The following CTIF variants were observed in gnomAD, a reference collection of about 807,000 sequenced individuals.
CTIF encodes cap binding complex dependent translation initiation factor.
CTIF carries 21 observed loss-of-function variants against 66.0 expected under a neutral mutation model. The observed-to-expected ratio is 0.32, with a 90% CI of 0.23 to 0.46. The LOEUF (loss-of-function observed/expected upper bound fraction) is 0.46. Ranked by LOEUF, CTIF falls within the 20% of genes least tolerant of loss-of-function variation. The pLI is 1.00. For synonymous variants in CTIF, 345 were observed against 326.4 expected (o/e 1.06, Z -0.62); for missense variants, 739 against 812.7 (o/e 0.91, Z 1.10).
At chr18:48,788,675 A>C (rs971168121) in intron 9 of CTIF, among the ~76,000 whole-genome samples, 7 of 152,150 alleles carry the variant, frequency 4.6e-5, no homozygotes, top group Admixed American at 3.9e-4. Context: ...TAAGATTCCT[A>C]AGTCTGGGAA....
intron 10 of CTIF, among the ~76,000 whole-genome samples, chr18:48,838,715 T>G (rs1319597359): frequency 1.3e-5 from 2 of 152,168 alleles, no homozygotes; most frequent in Admixed American, 1.3e-4. Flanking sequence ...AACACTTCAT[T>G]TATTTGGTGG....
In CTIF at chr18:48,862,074, A is replaced by T. The variant is rs1002047815; in HGVS notation, c.*2515A>T. ...ACTATTTTTTTTTTAAAGAAACAAC[A>T]GTCAAGCCTAAAATTTGAGACCCCG... On this transcript the variant is annotated 3_prime_UTR_variant, in exon 12 of 12. Coordinates refer to ENST00000256413, the MANE Select transcript of CTIF (RefSeq NM_014772.3). 7.9e-5 allele frequency: 12 copies of T among 151,248 alleles called. No homozygotes were observed. Among genetic ancestry groups the T allele is most frequent in the Non-Finnish European group, 1.5e-4 (10 of 68,016 alleles). 9.4% of individuals were successfully genotyped at this position (151,248 alleles called of 1,614,324 possible). A position where few individuals can be genotyped will look rare whatever the true frequency, so the allele number is the denominator to read the frequency against.
At chr18:48,691,437 T>A (rs1358200855) in intron 6 of CTIF, among the ~76,000 whole-genome samples, 1 of 152,172 alleles carries the variant, frequency 6.6e-6, no homozygotes, top group East Asian at 1.9e-4. Flanking sequence ...ACCAAAATAG[T>A]TTGTTAGAAT....
rs147862872 is a variant in CTIF at position 48,727,560 on chromosome 18, A to G, written c.584+15865A>G. On this transcript the variant is annotated intron_variant, in intron 7 of 11. Coordinates refer to ENST00000256413, the MANE Select transcript of CTIF (RefSeq NM_014772.3). ...CTGAAATAATCCTTTGAAAAACTTTATGGGTCTTCTGTGATCCTATTGAGT... is the reference window on the plus strand; with the variant it reads ...CTGAAATAATCCTTTGAAAAACTTTGTGGGTCTTCTGTGATCCTATTGAGT... Among the ~76,000 whole-genome samples, 50 of 152,302 alleles carry G rather than the reference A, an allele frequency of 3.3e-4. No individual in the cohort carries two copies. The East Asian group carries it at 6.6e-3, about 20-fold the overall frequency.
At chr18:48,597,517 T>A (rs1463831732) in intron 1 of CTIF, among the ~76,000 whole-genome samples, 1 of 152,138 alleles carries the variant, frequency 6.6e-6, no homozygotes, top group South Asian at 2.1e-4. Context: ...ACTCTCTCCC[T>A]GAGTTCACGT....
At chr18:48,750,571 G>A (rs1291192364) in intron 7 of CTIF, among the ~76,000 whole-genome samples, 1 of 152,238 alleles carries the variant, frequency 6.6e-6, no homozygotes, top group African/African-American at 2.4e-5. Context: ...AGCAGACTGT[G>A]GTGGGAAAGG....
intron 9 of CTIF, among the ~76,000 whole-genome samples, chr18:48,773,051 CT>C (rs902756250): frequency 2.0e-5 from 3 of 152,302 alleles, no homozygotes; most frequent in Admixed American, 6.5e-5. Context: ...GGGGGACCGA[CT>C]AAGAGGCAGA....
rs192092294 is a variant in CTIF at position 48,665,381 on chromosome 18, G to A, written c.431+830G>A. Among the ~76,000 whole-genome samples the A allele has an allele frequency of 3.5e-3, 538 of 152,324 alleles. 5 individuals are homozygous for A. Among genetic ancestry groups the A allele is most frequent in the African/African-American group, 0.012 (509 of 41,570 alleles). On this transcript the variant is annotated intron_variant, in intron 5 of 11. Coordinates refer to ENST00000256413, the MANE Select transcript of CTIF (RefSeq NM_014772.3). ...CTTTTCAAAAGTGGTGTCACAGCCTGGGCAGACCTCAGGACGGGAATGTGA... is the reference window on the plus strand; with the variant it reads ...CTTTTCAAAAGTGGTGTCACAGCCTAGGCAGACCTCAGGACGGGAATGTGA...
intron 7 of CTIF, among the ~76,000 whole-genome samples, chr18:48,755,439 G>GCTGGC (rs1908257731): frequency 1.3e-5 from 2 of 152,344 alleles, no homozygotes; most frequent in Admixed American, 1.3e-4. Flanking sequence ...GCTGGGCTGG[G>GCTGGC]CTGGGTAGTC....
In CTIF at chr18:48,636,760, G is replaced by T. The variant is rs2090830985; in HGVS notation, c.252+75G>T. The T allele has an allele frequency of 1.2e-5, 14 of 1,200,330 alleles. 1 individual carries two copies. In the South Asian group the frequency reaches 2.6e-4, roughly 22 times the overall value. The allele number at this position is 1,200,330 out of a possible 1,614,324, so 74.4% of individuals were successfully genotyped here. ...GCCTGGGTTCCTGGGCCGGCCCACA[G>T]TGGCTCCTGAGGAGTGGTGACATGG... On this transcript the variant is annotated intron_variant, in intron 3 of 11. Transcript: ENST00000256413.
At chr18:48,684,352 G>T (rs544010455) in intron 6 of CTIF, among the ~76,000 whole-genome samples, 69 of 152,238 alleles carry the variant, frequency 4.5e-4, no homozygotes, top group African/African-American at 1.6e-3. Context: ...GCGTCCTCAA[G>T]TGACCCGTTC....
intron 1 of CTIF, among the ~76,000 whole-genome samples, chr18:48,610,445 C>T (rs1334785117): frequency 2.9e-5 from 3 of 103,150 alleles, no homozygotes; most frequent in Non-Finnish European, 7.2e-5. Context: ...GCCCTCCCGC[C>T]TATTGGGCTA....
chr18:48,670,664 T>C lies in CTIF; in HGVS notation c.432-5T>C, dbSNP rs2091517951. On this transcript the variant is annotated splice_region_variant and splice_polypyrimidine_tract_variant and intron_variant, in intron 5 of 11. Coordinates refer to ENST00000256413, the MANE Select transcript of CTIF (RefSeq NM_014772.3). ...TCCAATGCCTTTCTGTCTTTTCTGG[T>C]CCAGGTGTGGCAAAGGGAAGCTGGA... The C allele has an allele frequency of 6.2e-7, 1 of 1,613,722 alleles. No homozygotes were observed.
At chr18:48,771,237 C>T (rs994683246) in intron 9 of CTIF, among the ~76,000 whole-genome samples, 1 of 152,198 alleles carries the variant, frequency 6.6e-6, no homozygotes, top group Non-Finnish European at 1.5e-5. Flanking sequence ...TTAAGCTTTT[C>T]TTATCTGAGA....
chr18:48,663,904 T>C (rs2091389986), intron 4 of CTIF, 79 bp downstream of exon 4: 6 of 1,248,550 alleles, frequency 4.8e-6, no homozygotes, highest in Non-Finnish European at 7.1e-6. Context: ...GAATGAACGC[T>C]GATGGTTCAT....
chr18:48,690,218 G>A lies in CTIF; in HGVS notation c.507+19474G>A, dbSNP rs1045993267. Among the ~76,000 whole-genome samples the A allele has an allele frequency of 3.6e-4, 55 of 152,038 alleles. 1 individual carries two copies. The highest frequency in any genetic ancestry group is 1.3e-3 in the African/African-American group (52 of 41,452). ...TCATTCTAAATTTTATTTTATTTGG[G>A]CGTTTACAGACTCTCCTTCCATCCA... On this transcript the variant is annotated intron_variant, in intron 6 of 11. Coordinates refer to ENST00000256413, the MANE Select transcript of CTIF (RefSeq NM_014772.3).
At chr18:48,733,840 C>T (rs1004911786) in intron 7 of CTIF, among the ~76,000 whole-genome samples, 1 of 152,232 alleles carries the variant, frequency 6.6e-6, no homozygotes, top group Non-Finnish European at 1.5e-5. Context: ...CCTCGCAGCC[C>T]TTCCCCCTGG....
intron 7 of CTIF, among the ~76,000 whole-genome samples, chr18:48,754,645 G>T (rs1420985213): frequency 6.6e-6 from 1 of 152,198 alleles, no homozygotes; most frequent in Non-Finnish European, 1.5e-5. Context: ...TACCCAATTA[G>T]GAGGGAACAC....
intron 1 of CTIF, among the ~76,000 whole-genome samples, chr18:48,594,930 G>A (rs1299659424): frequency 1.3e-5 from 2 of 152,220 alleles, no homozygotes; most frequent in East Asian, 1.9e-4. Context: ...AACTGCAGGA[G>A]TTGCTGTCAG....
Sources: allele counts gnomAD v4.1 joint callset (sites outside exome capture counted in the v4.1 genomes callset), GRCh38; gene constraint gnomAD v4.1.1; transcripts MANE v1.5; gene names NCBI Gene and HGNC (gene_info 2026-07-23, HGNC 2026-07-21).